Variants in DCBLD2 observed in about 807,000 individuals in gnomAD.
The protein encoded by DCBLD2 is discoidin, CUB and LCCL domain-containing protein 2.
In DCBLD2, 54 loss-of-function variants were observed where a neutral mutation model predicts 86.8. The ratio of observed to expected loss-of-function variants is 0.62; its 90% CI spans 0.50 to 0.78. The LOEUF is 0.78. Among genes scored for constraint, DCBLD2 ranks in the 30% least tolerant of loss-of-function variants. The probability of loss-of-function intolerance (pLI) is 0.00; values close to 1 mark genes in which losing one functional copy is unlikely to be tolerated. For synonymous variants in DCBLD2, 354 were observed against 341.3 expected, an observed-to-expected ratio of 1.04 and a Z score of -0.41; for missense variants, 908 against 954.2, an observed-to-expected ratio of 0.95 and a Z score of 0.64.
At chr3:98,860,679 G>C (rs1346043218) in intron 2 of DCBLD2, among the ~76,000 whole-genome samples, 4 of 152,188 alleles carry the variant, frequency 2.6e-5, no homozygotes, top group Non-Finnish European at 1.5e-5. Context: ...AACGCTGACA[G>C]ATTTTGTCAC....
intron 3 of DCBLD2, among the ~76,000 whole-genome samples, chr3:98,838,369 G>C (rs1314349420): frequency 9.3e-6 from 1 of 107,304 alleles, no homozygotes; most frequent in Non-Finnish European, 2.0e-5. Flanking sequence ...CTCCCAGACG[G>C]GGTCTCGGCC....
intron 1 of DCBLD2, among the ~76,000 whole-genome samples, chr3:98,899,563 T>TA (rs1450617588): frequency 3.9e-5 from 6 of 152,304 alleles, no homozygotes; most frequent in Non-Finnish European, 7.4e-5. Context: ...TGGCCTTTTC[T>TA]AAAAACAAGG....
chr3:98,822,906 C>T (rs1942149383), intron 4 of DCBLD2, among the ~76,000 whole-genome samples, 165 bp from the exon 5 acceptor site: 1 of 152,212 alleles, frequency 6.6e-6, no homozygotes, highest in South Asian at 2.1e-4. Flanking sequence ...GAGTTTCACT[C>T]TTGTCGCCCA....
At chr3:98,836,299 G>A (rs1942446657) in intron 3 of DCBLD2, among the ~76,000 whole-genome samples, 3 of 145,426 alleles carry the variant, frequency 2.1e-5, no homozygotes, top group African/African-American at 7.8e-5. Context: ...AGTGGCAGAG[G>A]AGGGTAGATC....
chr3:98,834,720 C>A (rs1227595352), intron 3 of DCBLD2, among the ~76,000 whole-genome samples: 1 of 151,816 alleles, frequency 6.6e-6, no homozygotes, highest in Non-Finnish European at 1.5e-5. Context: ...TAGATTGATT[C>A]TATATTTTAG....
At chr3:98,849,649 T>TA in intron 2 of DCBLD2, 51 bp from the exon 3 acceptor site, 1 of 1,575,986 alleles carries the variant, frequency 6.3e-7, no homozygotes, top group Non-Finnish European at 8.7e-7. Flanking sequence ...ATGAAGTCAA[T>TA]AATATTTGCA....
chr3:98,875,270 G>A (rs549475916), intron 2 of DCBLD2, among the ~76,000 whole-genome samples: 8 of 152,102 alleles, frequency 5.3e-5, no homozygotes, highest in East Asian at 3.9e-4. Context: ...TTAGGAACCC[G>A]TTACAGGATA....
intron 2 of DCBLD2, among the ~76,000 whole-genome samples, chr3:98,857,588 T>A (rs1381452387): frequency 1.3e-5 from 2 of 151,666 alleles, no homozygotes; most frequent in Non-Finnish European, 1.5e-5. Flanking sequence ...AGACACAGAG[T>A]GTCGATTGGT....
chr3:98,833,611 G>A (rs1194134810), intron 3 of DCBLD2, among the ~76,000 whole-genome samples: 1 of 152,176 alleles, frequency 6.6e-6, no homozygotes, highest in Non-Finnish European at 1.5e-5. Flanking sequence ...TGGTCAGGTG[G>A]GGGTACAGTG....
intron 2 of DCBLD2, among the ~76,000 whole-genome samples, chr3:98,879,774 T>A (rs1239706122): frequency 6.6e-6 from 1 of 152,220 alleles, no homozygotes; most frequent in African/African-American, 2.4e-5. Flanking sequence ...TTTTTTAAAA[T>A]GCTATGTATA....
intron 3 of DCBLD2, among the ~76,000 whole-genome samples, chr3:98,847,175 T>C (rs1942741849): frequency 1.3e-5 from 2 of 152,182 alleles, no homozygotes; most frequent in African/African-American, 4.8e-5. Context: ...GGGGGGAAAC[T>C]AACATTGTAT....
intron 2 of DCBLD2, among the ~76,000 whole-genome samples, chr3:98,854,842 G>C (rs1351591276): frequency 1.3e-5 from 2 of 152,062 alleles, no homozygotes; most frequent in Non-Finnish European, 2.9e-5. Context: ...ACACAACACA[G>C]ATAAAAATCA....
intron 2 of DCBLD2, among the ~76,000 whole-genome samples, chr3:98,872,286 C>CA (rs1943292253): frequency 6.6e-6 from 1 of 152,114 alleles, no homozygotes; most frequent in South Asian, 2.1e-4. Context: ...AATGCCATCT[C>CA]ACGGGAGTGA....
rs149613634 is a variant in DCBLD2, at chr3:98,824,527, T to C, written c.623+788A>G. 1.7e-4 allele frequency among the ~76,000 whole-genome samples: 26 copies of C among 152,016 alleles called. 1 individual carries two copies. In the East Asian group the frequency reaches 3.7e-3, roughly 22 times the overall value. On this transcript the variant is annotated intron_variant, in intron 4 of 15. Transcript: ENST00000326840. ...TTCTTGAAGACAAAATTAAGGTTCT[T>C]GGGGGGAAGTGGTAGTAAGTTCGGA...
intron 3 of DCBLD2, among the ~76,000 whole-genome samples, chr3:98,836,685 C>T (rs1355034605): frequency 4.7e-5 from 5 of 107,518 alleles, no homozygotes; most frequent in African/African-American, 1.1e-4. Flanking sequence ...GCAGAGGCGC[C>T]CATCACCTCC....
At chr3:98,847,900 TGA>T (rs1359293096) in intron 3 of DCBLD2, among the ~76,000 whole-genome samples, 3 of 152,286 alleles carry the variant, frequency 2.0e-5, no homozygotes, top group Non-Finnish European at 4.4e-5. Context: ...CTAAAACACG[TGA>T]GAGAGTTCAT....
intron 2 of DCBLD2, among the ~76,000 whole-genome samples, chr3:98,861,255 G>A (rs374752732): frequency 2.0e-5 from 3 of 152,086 alleles, no homozygotes; most frequent in Non-Finnish European, 4.4e-5. Context: ...AGGAGACTTA[G>A]ACTCCCACAC....
At chr3:98,811,584 A>C in intron 10 of DCBLD2, 30 bp from the exon 11 acceptor site, 1 of 1,542,172 alleles carries the variant, frequency 6.5e-7, no homozygotes, top group Non-Finnish European at 8.7e-7. Flanking sequence ...AAATTTAAAC[A>C]TTTTGTTTTT....
chr3:98,841,638 C>T (rs4857415), intron 3 of DCBLD2, among the ~76,000 whole-genome samples: 46,760 of 152,032 alleles, frequency 0.31, 8,588 homozygotes, highest in East Asian at 0.68. Flanking sequence ...GTTTTGTGTT[C>T]TTGAATGAAT....
Sources: gnomAD v4.1 joint callset for allele counts (sites outside exome capture counted in the v4.1 genomes callset) on GRCh38, gnomAD v4.1.1 for gene constraint, MANE v1.5 for transcripts, NCBI Gene and HGNC (gene_info 2026-07-23, HGNC 2026-07-21) for gene names.